SULT2A1: variants seen among roughly 807,000 people sequenced by gnomAD.
The protein encoded by SULT2A1 is sulfotransferase 2A1.
In SULT2A1, 43 loss-of-function variants were observed where a neutral mutation model predicts 33.9. That is an observed-to-expected ratio of 1.27 (90% CI 1.00 to 1.64). SULT2A1 has a LOEUF of 1.64. SULT2A1 is among the 40% of genes most tolerant of loss of function. The pLI, the probability that SULT2A1 is intolerant of heterozygous loss-of-function variation, is 0.00. For missense variants in SULT2A1, 300 were observed against 335.1 expected (o/e 0.90, Z 0.82); for synonymous variants, 125 against 113.6 (o/e 1.10, Z -0.64).
chr19:47,877,023 G>T (rs1968551744), intron 4 of SULT2A1, among the ~76,000 whole-genome samples: 1 of 135,942 alleles, frequency 7.4e-6, no homozygotes. Flanking sequence ...GTTGCAGTGA[G>T]CCGAGATCGT....
rs296367 is a variant in SULT2A1 at position 47,871,158 on chromosome 19, G to T, written c.*297C>A. On this transcript the variant is annotated 3_prime_UTR_variant, in exon 6 of 6. Transcript: ENST00000222002. ...CAATGCGCCTGGCTAATTTTTTTTGGTTTTTGTATTTTTAGTAGAGATGGG... is the reference window on the plus strand; with the variant it reads ...CAATGCGCCTGGCTAATTTTTTTTGTTTTTTGTATTTTTAGTAGAGATGGG... 0.35 allele frequency: 69,542 copies of T among 200,072 alleles called. 14,156 individuals carry two copies. The highest frequency in any genetic ancestry group is 0.59 in the East Asian group (4,320 of 7,294). The allele number at this position is 200,072 out of a possible 1,614,324, so 12.4% of individuals were successfully genotyped here. A position where few individuals can be genotyped will look rare whatever the true frequency, so the allele number is the denominator to read the frequency against.
In SULT2A1 at chr19:47,871,417, A is replaced by G. The variant is rs1204796541; in HGVS notation, c.*38T>C. 4 of 1,420,712 alleles carry G rather than the reference A, an allele frequency of 2.8e-6. No homozygotes were observed. Among genetic ancestry groups the G allele is most frequent in the Non-Finnish European group, 4.0e-6 (4 of 1,003,940 alleles). 88.0% of individuals were successfully genotyped at this position (1,420,712 alleles called of 1,614,324 possible). On this transcript the variant is annotated 3_prime_UTR_variant, in exon 6 of 6. Coordinates refer to ENST00000222002, the MANE Select transcript of SULT2A1 (RefSeq NM_003167.4). ...TACATGTACAAGGACAGGAGAATCAATGTCATTCTCCATATAAGATCCAGA... is the reference window on the plus strand; with the variant it reads ...TACATGTACAAGGACAGGAGAATCAGTGTCATTCTCCATATAAGATCCAGA...
At chr19:47,873,096 T>C (rs555875046) in intron 5 of SULT2A1, among the ~76,000 whole-genome samples, 3 of 151,596 alleles carry the variant, frequency 2.0e-5, no homozygotes, top group Non-Finnish European at 4.4e-5. Flanking sequence ...AGACTCTGGG[T>C]CTTTTGAAGG....
At chr19:47,876,918 C>CA (rs1025488606) in intron 4 of SULT2A1, among the ~76,000 whole-genome samples, 16 of 149,102 alleles carry the variant, frequency 1.1e-4, no homozygotes, top group South Asian at 2.1e-4. Flanking sequence ...ACTAAAAATA[C>CA]AAAAAAAAAT....
chr19:47,882,701 G>A (rs1968614942), intron 2 of SULT2A1, among the ~76,000 whole-genome samples: 2 of 151,744 alleles, frequency 1.3e-5, no homozygotes, highest in South Asian at 4.2e-4. Context: ...AATCACTCGA[G>A]GTCAGGAGTT....
intron 4 of SULT2A1, among the ~76,000 whole-genome samples, chr19:47,875,389 G>C (rs1968534487): frequency 6.6e-6 from 1 of 152,052 alleles, no homozygotes; most frequent in Non-Finnish European, 1.5e-5. Context: ...TGTAATTCCA[G>C]CACTTTGGGA....
In SULT2A1 at chr19:47,879,143, G is replaced by A. The variant is rs1437221370; in HGVS notation, c.473-13C>T. On this transcript the variant is annotated splice_polypyrimidine_tract_variant and intron_variant, in intron 3 of 5. Transcript: ENST00000222002. ...GACCCATATAGCACTGCATGGGGTG[G>A]CAGAAAAAGTGATAGGTTACAAATT... 1.3e-6 allele frequency: 2 copies of A among 1,554,512 alleles called. No individual in the cohort carries two copies. Among genetic ancestry groups the A allele is most frequent in the Non-Finnish European group, 1.8e-6 (2 of 1,126,450 alleles).
chr19:47,879,930 TA>T (rs1036162993), intron 3 of SULT2A1, among the ~76,000 whole-genome samples: 1,458 of 40,376 alleles, frequency 0.036, 13 homozygotes, highest in African/African-American at 0.14. Flanking sequence ...AGTATAACAA[TA>T]AAAAAAATTA....
intron 3 of SULT2A1, among the ~76,000 whole-genome samples, 173 bp downstream of exon 3, chr19:47,881,911 C>T (rs1056608079): frequency 6.6e-6 from 1 of 151,896 alleles, no homozygotes; most frequent in East Asian, 1.9e-4. Context: ...GCTGAGGGGC[C>T]GGCTAGAGTT....
At chr19:47,871,892 A>T (rs1256545469) in intron 5 of SULT2A1, among the ~76,000 whole-genome samples, 1 of 151,756 alleles carries the variant, frequency 6.6e-6, no homozygotes, top group African/African-American at 2.4e-5. Flanking sequence ...TTATTAGAGT[A>T]CACTTGTAAC....
intron 3 of SULT2A1, 74 bp from the exon 4 acceptor site, chr19:47,879,204 C>A (rs1968578672): frequency 3.5e-6 from 3 of 869,484 alleles, no homozygotes; most frequent in Non-Finnish European, 3.9e-6. Context: ...TATGTTCATC[C>A]CCCCACCGGC....
In SULT2A1 at chr19:47,871,371, T is replaced by C. The variant is rs764010986; in HGVS notation, c.*84A>G. On this transcript the variant is annotated 3_prime_UTR_variant, in exon 6 of 6. Transcript: ENST00000222002. Reference sequence around the variant, plus strand: ...GGTTTCAGGATAAAATAATAAGTCTTACACAATGACCCCAGTCAGGTACAT... The same window carrying C: ...GGTTTCAGGATAAAATAATAAGTCTCACACAATGACCCCAGTCAGGTACAT... 1.5e-4 allele frequency: 147 copies of C among 1,006,054 alleles called. No individual in the cohort carries two copies. The highest frequency in any genetic ancestry group is 2.0e-4 in the Non-Finnish European group (128 of 638,330). The allele number at this position is 1,006,054 out of a possible 1,614,324, so 62.3% of individuals were successfully genotyped here.
chr19:47,873,333 C>T (rs907412261), intron 5 of SULT2A1, among the ~76,000 whole-genome samples: 1 of 151,810 alleles, frequency 6.6e-6, no homozygotes, highest in Non-Finnish European at 1.5e-5. Flanking sequence ...CCACACTTGG[C>T]TAATTTTTTG....
chr19:47,884,351 T>C (rs1469742605), intron 1 of SULT2A1, among the ~76,000 whole-genome samples: 3 of 150,956 alleles, frequency 2.0e-5, no homozygotes, highest in Non-Finnish European at 4.4e-5. Context: ...TTTTTTTTAA[T>C]ATATTTTTAG....
chr19:47,883,730 C>T lies in SULT2A1; in HGVS notation c.192G>A (p.Lys64=). The T allele has an allele frequency of 1.9e-6, 3 of 1,614,146 alleles. No homozygotes were observed. The highest frequency in any genetic ancestry group is 8.5e-7 in the Non-Finnish European group (1 of 1,180,028). ...CCCAGATGGGCACAGATTGGATCCA[C>T]TTGGCATCCCCCTTGGAGTGCATCA... The part of the protein sequence containing the change: ...LCLMHSKGDA[K]WIQSVPIWER... Residue 64 remains lysine, a synonymous_variant, in exon 2 of 6, where the codon AAG becomes AAA. Coordinates refer to ENST00000222002, the MANE Select transcript of SULT2A1 (RefSeq NM_003167.4).
intron 5 of SULT2A1, among the ~76,000 whole-genome samples, chr19:47,874,045 A>G (rs1012848093): frequency 6.6e-6 from 1 of 152,104 alleles, no homozygotes; most frequent in African/African-American, 2.4e-5. Flanking sequence ...AAGGGTTGCT[A>G]GTTAACCTGC....
intron 2 of SULT2A1, among the ~76,000 whole-genome samples, chr19:47,882,692 A>C (rs920976573): frequency 3.3e-5 from 5 of 152,038 alleles, no homozygotes; most frequent in Admixed American, 2.6e-4. Flanking sequence ...GGGAGGCTGA[A>C]TCACTCGAGG....
chr19:47,878,095 A>G (rs1968565245), intron 4 of SULT2A1, among the ~76,000 whole-genome samples: 1 of 152,182 alleles, frequency 6.6e-6, no homozygotes, highest in South Asian at 2.1e-4. Context: ...CAGCAGCACC[A>G]TAGGTCTCAC....
intron 4 of SULT2A1, 32 bp downstream of exon 4, chr19:47,879,004 G>C (rs778273086): frequency 2.3e-6 from 3 of 1,291,638 alleles, no homozygotes; most frequent in African/African-American, 1.5e-5. Context: ...TGGTGAGAGG[G>C]TGTGCACTGA....
Sources: gnomAD v4.1 joint callset for allele counts (sites outside exome capture counted in the v4.1 genomes callset) on GRCh38, gnomAD v4.1.1 for gene constraint, MANE v1.5 for transcripts, NCBI Gene and HGNC (gene_info 2026-07-23, HGNC 2026-07-21) for gene names.